The following STAB2 variants were observed in gnomAD, a reference collection of about 807,000 sequenced individuals.
STAB2 encodes the protein stabilin 2, also known as stabilin-2.
In STAB2, 288 loss-of-function variants were observed where a neutral mutation model predicts 338.1. The ratio of observed to expected loss-of-function variants is 0.85; its 90% CI spans 0.77 to 0.94. The LOEUF is 0.94. Ranked by LOEUF, STAB2 falls within the 40% of genes least tolerant of loss-of-function variation. The pLI is 0.00. For synonymous variants in STAB2, 1,202 were observed against 1,193.3 expected, an observed-to-expected ratio of 1.01 and a Z score of -0.15; for missense variants, 3,141 against 3,210.1, an observed-to-expected ratio of 0.98 and a Z score of 0.52.
In STAB2 at chr12:103,683,251, G is replaced by A; in HGVS notation, c.2852G>A (p.Cys951Tyr). 6.2e-7 allele frequency: 1 copy of A among 1,612,496 alleles called. No individual in the cohort carries two copies. Among genetic ancestry groups the A allele is most frequent in the Middle Eastern group, 1.7e-4 (1 of 6,056 alleles). The change falls in exon 26 of 69, where the codon TGT becomes TAT. Residue 951 changes from cysteine to tyrosine, a missense_variant. Transcript: ENST00000388887. ...GGATTTCGAGGAAATGGGATTGACT[G>A]TGAACCAATAACTTCATGCTTGGAA... ...KKGFRGNGID[C>Y]EPITSCLEQT...
At chr12:103,673,646 G>C (rs1337700042) in intron 22 of STAB2, among the ~76,000 whole-genome samples, 1 of 152,220 alleles carries the variant, frequency 6.6e-6, no homozygotes, top group Non-Finnish European at 1.5e-5. Context: ...ACCATGCTCA[G>C]CCTTAAAGGA....
chr12:103,639,778 G>A (rs1026266305), intron 8 of STAB2, among the ~76,000 whole-genome samples: 2 of 151,174 alleles, frequency 1.3e-5, no homozygotes, highest in Non-Finnish European at 2.9e-5. Flanking sequence ...CTCCTGGTTG[G>A]AAACCATTAT....
At chr12:103,630,266 G>A (rs1023946093) in intron 5 of STAB2, among the ~76,000 whole-genome samples, 1 of 152,156 alleles carries the variant, frequency 6.6e-6, no homozygotes, top group Non-Finnish European at 1.5e-5. Context: ...GATCAAGGTG[G>A]GAGACAGAGA....
At chr12:103,688,974 A>G (rs1877680430) in intron 28 of STAB2, among the ~76,000 whole-genome samples, 1 of 151,640 alleles carries the variant, frequency 6.6e-6, no homozygotes, top group African/African-American at 2.4e-5. Flanking sequence ...TATTTACGCC[A>G]TAGAAATCAG....
chr12:103,703,390 C>T, intron 35 of STAB2, 114 bp downstream of exon 35: 1 of 1,296,066 alleles, frequency 7.7e-7, no homozygotes, highest in Non-Finnish European at 1.1e-6. Flanking sequence ...GTCCATAAAC[C>T]ACTGAATGAG....
At chr12:103,633,553 G>A (rs1957497910) in intron 6 of STAB2, among the ~76,000 whole-genome samples, 1 of 152,114 alleles carries the variant, frequency 6.6e-6, no homozygotes, top group South Asian at 2.1e-4. Context: ...ATGATGGCGG[G>A]CGCCTGTAAT....
intron 9 of STAB2, among the ~76,000 whole-genome samples, chr12:103,641,434 G>A (rs1872916997): frequency 6.6e-6 from 1 of 152,134 alleles, no homozygotes; most frequent in South Asian, 2.1e-4. Context: ...AGTTAAACAG[G>A]ATTACATTCG....
Position 103,746,694 on chromosome 12 carries a change from C to T in STAB2, c.6234C>T (p.Ile2078=). The change falls in exon 58 of 69, where the codon ATC becomes ATT. Residue 2078 remains isoleucine (I), a synonymous_variant. Transcript: ENST00000388887. ...ACCTGGATTATGAAGGTGACGGAATCACATGCACAGGTAAGCCACCTTTGT... is the reference window on the plus strand; with the variant it reads ...ACCTGGATTATGAAGGTGACGGAATTACATGCACAGGTAAGCCACCTTTGT... ...ECNLDYEGDG[I]TCTVVDFCKQ... The T allele has an allele frequency of 1.9e-6, 3 of 1,613,804 alleles. No homozygotes were observed. The highest frequency in any genetic ancestry group is 2.5e-6 in the Non-Finnish European group (3 of 1,179,860).
chr12:103,663,876 G>A (rs1874838247), intron 18 of STAB2, among the ~76,000 whole-genome samples: 1 of 152,166 alleles, frequency 6.6e-6, no homozygotes, highest in Non-Finnish European at 1.5e-5. Context: ...TGGGATTTAG[G>A]ATCAGTCTCC....
Position 103,725,664 on chromosome 12 carries a change from G to A in STAB2, c.4804-452G>A, listed in dbSNP as rs180924889. The stretch of plus-strand genomic sequence containing the variant: ...TGCATGTGTGTATGCACGTGTGTGT[G>A]CATGTGTGTGTGTACTGAGCATAGT... On this transcript the variant is annotated intron_variant, in intron 45 of 68. Transcript: ENST00000388887. Among the ~76,000 whole-genome samples, 454 of 152,296 alleles carry A rather than the reference G, an allele frequency of 3.0e-3. 1 individual carries two copies. The highest frequency in any genetic ancestry group is 5.7e-3 in the Non-Finnish European group (388 of 68,014).
At chr12:103,758,561 G>A (rs1468161716) in intron 64 of STAB2, among the ~76,000 whole-genome samples, 2 of 152,206 alleles carry the variant, frequency 1.3e-5, no homozygotes, top group Non-Finnish European at 2.9e-5. Context: ...CAATGGCAGG[G>A]AGTGAGAGAG....
intron 11 of STAB2, among the ~76,000 whole-genome samples, chr12:103,651,312 T>TG (rs1211845642): frequency 9.0e-6 from 1 of 111,258 alleles, no homozygotes; most frequent in Non-Finnish European, 1.9e-5. Flanking sequence ...TTCCTGATCT[T>TG]GATTTTTTTT....
At position 103,638,215 on chromosome 12, in the gene STAB2, G is replaced by A; in HGVS notation, c.906+3G>A. ...GCAAATATGATGGGCCTGGACAGGT[G>A]AGCAAATGATGCAGGGAACTGATGT... On this transcript the variant is annotated splice_donor_region_variant and intron_variant, in intron 8 of 68. Transcript: ENST00000388887. 1 of 1,612,410 alleles carries A rather than the reference G, an allele frequency of 6.2e-7. No homozygotes were observed. Among genetic ancestry groups the A allele is most frequent in the Non-Finnish European group, 8.5e-7 (1 of 1,178,884 alleles).
intron 17 of STAB2, 152 bp from the exon 18 acceptor site, chr12:103,662,694 A>T: frequency 1.2e-6 from 1 of 821,034 alleles, no homozygotes; most frequent in Non-Finnish European, 1.8e-6. Flanking sequence ...TGTCAGCCAA[A>T]CCCTTATAAT....
intron 42 of STAB2, among the ~76,000 whole-genome samples, chr12:103,714,152 G>C (rs1880111515): frequency 6.6e-6 from 1 of 151,978 alleles, no homozygotes; most frequent in African/African-American, 2.4e-5. Flanking sequence ...ATGCCTACAT[G>C]TATTTTTTTT....
At chr12:103,755,170 G>C in intron 61 of STAB2, 132 bp from the exon 62 acceptor site, 3 of 1,252,260 alleles carry the variant, frequency 2.4e-6, no homozygotes, top group Non-Finnish European at 3.4e-6. Context: ...CTGTGTGCCA[G>C]GCACAGAGGT....
chr12:103,591,941 G>T (rs1335378978), intron 2 of STAB2, among the ~76,000 whole-genome samples: 2 of 152,042 alleles, frequency 1.3e-5, no homozygotes, highest in African/African-American at 4.8e-5. Flanking sequence ...ATTCCGGATG[G>T]AAGGATTTTT....
intron 33 of STAB2, among the ~76,000 whole-genome samples, 178 bp from the exon 34 acceptor site, chr12:103,698,918 C>A (rs1003502639): frequency 3.9e-4 from 60 of 152,298 alleles, no homozygotes; most frequent in African/African-American, 1.3e-3. Context: ...TTCTCTGAAG[C>A]CATCTGTTTC....
intron 25 of STAB2, among the ~76,000 whole-genome samples, chr12:103,681,701 A>C (rs1876925262): frequency 1.4e-5 from 2 of 142,576 alleles, no homozygotes; most frequent in Non-Finnish European, 3.0e-5. Flanking sequence ...GGCTCACTAC[A>C]ACCTCCACCT....
Sources: allele counts gnomAD v4.1 joint callset (sites outside exome capture counted in the v4.1 genomes callset), GRCh38; gene constraint gnomAD v4.1.1; transcripts MANE v1.5; gene names NCBI Gene and HGNC (gene_info 2026-07-23, HGNC 2026-07-21).